Variants in CFAP99 observed in about 807,000 individuals in gnomAD.
The protein encoded by CFAP99 is cilia and flagella associated protein 99.
In CFAP99, 84 loss-of-function variants were observed where a neutral mutation model predicts 82.7. The observed-to-expected ratio is 1.02, with a 90% CI of 0.85 to 1.22. The LOEUF (loss-of-function observed/expected upper bound fraction) is 1.22, where lower values mean the gene tolerates loss of function less well. Ranked by LOEUF, CFAP99 falls within the 50% of genes most tolerant of loss-of-function variation. The probability of loss-of-function intolerance (pLI) is 0.00; values close to 1 mark genes in which losing one functional copy is unlikely to be tolerated. For missense variants in CFAP99, 1,059 were observed against 983.5 expected, an observed-to-expected ratio of 1.08 and a Z score of -1.03; for synonymous variants, 456 against 429.5, an observed-to-expected ratio of 1.06 and a Z score of -0.76.
chr4:2,458,987 C>G (rs912285750), intron 12 of CFAP99, 120 bp from the exon 13 acceptor site: 1 of 1,446,082 alleles, frequency 6.9e-7, no homozygotes, highest in African/African-American at 1.4e-5. Flanking sequence ...GAGGGAGGCA[C>G]TCCCAGGTGG....
At chr4:2,421,413 G>A (rs1302459590) in intron 1 of CFAP99, among the ~76,000 whole-genome samples, 1 of 139,226 alleles carries the variant, frequency 7.2e-6, no homozygotes, top group Non-Finnish European at 1.5e-5. Flanking sequence ...GGAGTGCAGA[G>A]GCACGATCTC....
chr4:2,453,238 T>C (rs1734343429), intron 11 of CFAP99, among the ~76,000 whole-genome samples: 1 of 152,240 alleles, frequency 6.6e-6, no homozygotes, highest in African/African-American at 2.4e-5. Context: ...AACACACTTG[T>C]ATATACATAG....
chr4:2,452,443 C>A, intron 11 of CFAP99, 97 bp downstream of exon 11: 2 of 1,256,744 alleles, frequency 1.6e-6, no homozygotes, highest in South Asian at 1.3e-5. Flanking sequence ...AGCTGAGTGT[C>A]CACAGCGCCC....
chr4:2,452,068 G>A, intron 10 of CFAP99, 74 bp from the exon 11 acceptor site: 1 of 1,482,640 alleles, frequency 6.7e-7, no homozygotes, highest in South Asian at 1.2e-5. Context: ...TGTCCCTCAG[G>A]AAAACCTGTG....
chr4:2,450,859 G>A, intron 8 of CFAP99, 88 bp from the exon 9 acceptor site: 1 of 1,134,842 alleles, frequency 8.8e-7, no homozygotes, highest in Non-Finnish European at 1.3e-6. Context: ...CCTCCCCAGG[G>A]TGCTGGGCCA....
chr4:2,462,406 G>A lies in CFAP99; in HGVS notation c.1662-37G>A, dbSNP rs1578486571. On this transcript the variant is annotated intron_variant, in intron 14 of 14. Transcript: ENST00000635017. The surrounding 1 kb of genome is among the most constrained non-coding windows in gnomAD (Gnocchi z 4.1). ...ATCCTGGGTCTGGCCTGGGCCTCCCGCCGGCCTGCTCCTGAGCCCGCCGCG... is the reference window on the plus strand; with the variant it reads ...ATCCTGGGTCTGGCCTGGGCCTCCCACCGGCCTGCTCCTGAGCCCGCCGCG... 7.2e-7 allele frequency: 1 copy of A among 1,398,056 alleles called. No individual in the cohort carries two copies. 86.6% of individuals were successfully genotyped at this position (1,398,056 alleles called of 1,614,324 possible).
At chr4:2,460,281 A>G in intron 14 of CFAP99, 39 bp downstream of exon 14, 1 of 1,520,004 alleles carries the variant, frequency 6.6e-7, no homozygotes, top group Non-Finnish European at 8.8e-7. Context: ...CTGGGTGGAC[A>G]GGGAGCATGC....
intron 4 of CFAP99, among the ~76,000 whole-genome samples, chr4:2,438,855 A>G (rs1480102419): frequency 6.6e-6 from 1 of 152,234 alleles, no homozygotes; most frequent in East Asian, 1.9e-4. Context: ...GTCCTGGGGA[A>G]ATCCGATTCC....
intron 4 of CFAP99, among the ~76,000 whole-genome samples, chr4:2,440,146 A>ATACTTTTTTTTT (rs1560382282): frequency 2.1e-5 from 2 of 95,878 alleles, no homozygotes; most frequent in African/African-American, 1.0e-4. Flanking sequence ...CCAGCTTGAC[A>ATACTTTTTTTTT]TTCTTTTTTT....
rs895073702 is a variant in CFAP99 at position 2,462,561 on chromosome 4, T to G, written c.1780T>G (p.Leu594Val). Residue 594 changes from leucine (L) to valine (V), a missense_variant, in exon 15 of 15, where the codon TTG becomes GTG. Physicochemically the swap from Leu to Val is conservative, Grantham distance 32 (BLOSUM62 1). Coordinates refer to ENST00000635017, the Ensembl canonical transcript of CFAP99. This position sits in a 1 kb window ranked among gnomAD's most constrained non-coding sequence, Gnocchi z 4.1. ...GGCCGAGCGCAGCAGGCAGGCGGCC[T>G]TGCTGCACGTGTCGGCGCCGCGGAC... The G allele has an allele frequency of 4.1e-6, 6 of 1,453,798 alleles. No individual in the cohort carries two copies. Among genetic ancestry groups the G allele is most frequent in the Middle Eastern group, 2.4e-4 (1 of 4,142 alleles). The allele number at this position is 1,453,798 out of a possible 1,614,324, so 90.1% of individuals were successfully genotyped here.
intron 2 of CFAP99, chr4:2,427,483 T>C (rs566398891): frequency 6.6e-6 from 1 of 152,670 alleles, no homozygotes; most frequent in South Asian, 2.1e-4. Context: ...AACCCATCAT[T>C]GCCCAGGAGC....
intron 11 of CFAP99, among the ~76,000 whole-genome samples, chr4:2,452,580 C>T (rs1042795704): frequency 2.0e-5 from 3 of 152,146 alleles, no homozygotes; most frequent in African/African-American, 4.8e-5. Context: ...TCACAGTGGC[C>T]TGGACCAGCG....
At chr4:2,443,430 C>A (rs981753339) in intron 5 of CFAP99, among the ~76,000 whole-genome samples, 188 bp downstream of exon 5, 3 of 152,214 alleles carry the variant, frequency 2.0e-5, no homozygotes, top group African/African-American at 4.8e-5. Context: ...CACAGCCTCG[C>A]GGGGAGGAAA....
chr4:2,450,027 A>G (rs972534852), intron 8 of CFAP99, 22 bp downstream of exon 8: 9 of 1,534,962 alleles, frequency 5.9e-6, no homozygotes, highest in Non-Finnish European at 7.9e-6. Context: ...CTCTCTCAAG[A>G]CCCATCATCG....
At chr4:2,452,249 G>A (rs563896836) in exon 11 of CFAP99, 35 of 1,536,080 alleles carry the variant, frequency 2.3e-5, no homozygotes, top group East Asian at 2.0e-4. Flanking sequence ...AGCGAGTGCC[G>A]GCGGTTGCAA....
In CFAP99 at chr4:2,460,056, AAGGAG is replaced by A; in HGVS notation, c.1478_1482del (p.Gly493AspfsTer?). 1 of 1,535,978 alleles carries A rather than the reference AAGGAG, an allele frequency of 6.5e-7. No individual in the cohort carries two copies. The highest frequency in any genetic ancestry group is 8.7e-7 in the Non-Finnish European group (1 of 1,146,892). On this transcript the variant is annotated frameshift_variant, in exon 14 of 15. Coordinates refer to ENST00000635017, the Ensembl canonical transcript of CFAP99. LOFTEE classifies it high-confidence loss of function. Reference sequence around the variant, plus strand: ...CCACAGATCCCCGGCTACGGCCTGGAAGGAGAGATGTCCATAGTGGAGCTGCGAGA... The same window carrying A: ...CCACAGATCCCCGGCTACGGCCTGGAAGATGTCCATAGTGGAGCTGCGAGA...
At chr4:2,425,913 C>T (rs1345669642) in intron 1 of CFAP99, among the ~76,000 whole-genome samples, 2 of 152,034 alleles carry the variant, frequency 1.3e-5, no homozygotes, top group African/African-American at 4.8e-5. Flanking sequence ...GTCAGGATGG[C>T]GGCGTTGACC....
At position 2,438,206 on chromosome 4, in the gene CFAP99, G is replaced by A. The variant is rs552600360; in HGVS notation, c.351+42G>A. The A allele has an allele frequency of 3.5e-6, 4 of 1,128,308 alleles. No homozygotes were observed. In the East Asian group the frequency reaches 1.0e-4, roughly 29 times the overall value. 69.9% of individuals were successfully genotyped at this position (1,128,308 alleles called of 1,614,324 possible). A position where few individuals can be genotyped will look rare whatever the true frequency, so the allele number is the denominator to read the frequency against. On this transcript the variant is annotated intron_variant, in intron 4 of 14. Coordinates refer to ENST00000635017, the Ensembl canonical transcript of CFAP99. ...TGCCCACCAGGCCACGAGGCCCACG[G>A]GTGAGGTCCGTCTGATCCTCGCCCA...
chr4:2,435,298 G>GAA (rs397778115), intron 2 of CFAP99, among the ~76,000 whole-genome samples: 35 of 55,246 alleles, frequency 6.3e-4, no homozygotes, highest in Middle Eastern at 0.011. Flanking sequence ...CTCCATCTCA[G>GAA]AAAAAAAAAA....
Sources: gnomAD v4.1 joint callset for allele counts (sites outside exome capture counted in the v4.1 genomes callset) on GRCh38, gnomAD v4.1.1 for gene constraint, Gnocchi (gnomAD v3.1) non-coding constraint, MANE v1.5 for transcripts, NCBI Gene and HGNC (gene_info 2026-07-23, HGNC 2026-07-21) for gene names.